Variants in EXOC4 observed in about 807,000 individuals in gnomAD.
EXOC4 encodes the protein exocyst complex component 4.
EXOC4 carries 71 observed loss-of-function variants against 107.2 expected under a neutral mutation model. That is an observed-to-expected ratio of 0.66 (90% CI 0.55 to 0.81). EXOC4 has a LOEUF of 0.81. EXOC4 is among the 30% of genes least tolerant of loss of function. The probability of loss-of-function intolerance (pLI) is 0.00; values close to 1 mark genes in which losing one functional copy is unlikely to be tolerated. For synonymous variants in EXOC4, 456 were observed against 441.2 expected, an observed-to-expected ratio of 1.03 and a Z score of -0.42; for missense variants, 1,108 against 1,189.6, an observed-to-expected ratio of 0.93 and a Z score of 1.01.
At chr7:133,849,449 G>A (rs956182173) in intron 11 of EXOC4, among the ~76,000 whole-genome samples, 1 of 152,050 alleles carries the variant, frequency 6.6e-6, no homozygotes, top group African/African-American at 2.4e-5. Context: ...AGAGCTTAAG[G>A]AGTAGTAAAA....
chr7:133,951,421 A>C (rs10272270), intron 14 of EXOC4, among the ~76,000 whole-genome samples: 1 of 152,092 alleles, frequency 6.6e-6, no homozygotes, highest in Non-Finnish European at 1.5e-5. Flanking sequence ...TGATCACGTG[A>C]TAAATAGTAG....
At chr7:133,775,914 C>T (rs565058548) in intron 10 of EXOC4, among the ~76,000 whole-genome samples, 20 of 152,186 alleles carry the variant, frequency 1.3e-4, no homozygotes, top group African/African-American at 4.3e-4. Flanking sequence ...AGATTAGGCT[C>T]GATGCTAGAA....
chr7:133,394,006 T>G (rs1384705035), intron 7 of EXOC4, among the ~76,000 whole-genome samples: 3 of 152,188 alleles, frequency 2.0e-5, no homozygotes, highest in African/African-American at 7.2e-5. Flanking sequence ...CATCCCTATA[T>G]GAAGAGTTTC....
chr7:133,651,450 T>G (rs1181151871), intron 10 of EXOC4, among the ~76,000 whole-genome samples: 1 of 152,178 alleles, frequency 6.6e-6, no homozygotes, highest in Non-Finnish European at 1.5e-5. Flanking sequence ...ACATCATGAT[T>G]CATTAGTATG....
intron 9 of EXOC4, among the ~76,000 whole-genome samples, chr7:133,528,218 A>G (rs1485045436): frequency 2.0e-5 from 3 of 152,210 alleles, no homozygotes; most frequent in Admixed American, 2.0e-4. Flanking sequence ...AAGCAGTTTC[A>G]CAGTTGAAAG....
At chr7:133,967,829 T>C (rs1801106435) in intron 14 of EXOC4, among the ~76,000 whole-genome samples, 1 of 152,218 alleles carries the variant, frequency 6.6e-6, no homozygotes, top group Admixed American at 6.5e-5. Context: ...GAGAGTTCTG[T>C]AGATGTCTAT....
intron 5 of EXOC4, among the ~76,000 whole-genome samples, 179 bp downstream of exon 5, chr7:133,317,569 G>A (rs1255960365): frequency 6.6e-6 from 1 of 152,166 alleles, no homozygotes; most frequent in Admixed American, 6.6e-5. Flanking sequence ...GATGTACAGT[G>A]ATTTATTGGG....
chr7:133,779,334 C>G (rs1027870924), intron 10 of EXOC4, among the ~76,000 whole-genome samples: 3 of 151,954 alleles, frequency 2.0e-5, no homozygotes, highest in Admixed American at 2.0e-4. Context: ...CTCAATACTA[C>G]TAACTCTTAT....
chr7:133,407,916 G>A (rs1412650715), intron 7 of EXOC4, among the ~76,000 whole-genome samples: 2 of 152,048 alleles, frequency 1.3e-5, no homozygotes, highest in African/African-American at 4.8e-5. Context: ...TTCACTTTTA[G>A]ATGATAAACC....
intron 10 of EXOC4, among the ~76,000 whole-genome samples, chr7:133,751,234 C>G (rs916944623): frequency 1.3e-5 from 2 of 152,138 alleles, no homozygotes; most frequent in Admixed American, 1.3e-4. Flanking sequence ...TTTGTAATTG[C>G]ACTAGTATTC....
intron 7 of EXOC4, among the ~76,000 whole-genome samples, chr7:133,439,137 A>G (rs1428966865): frequency 5.3e-5 from 8 of 150,364 alleles, no homozygotes; most frequent in Admixed American, 5.3e-4. Flanking sequence ...TCCATCTTCA[A>G]GATGTTATAG....
At chr7:133,518,153 A>G (rs1799914257) in intron 9 of EXOC4, among the ~76,000 whole-genome samples, 1 of 151,990 alleles carries the variant, frequency 6.6e-6, no homozygotes, top group South Asian at 2.1e-4. Flanking sequence ...GGCTTGCATC[A>G]TATTTGCTAG....
At chr7:133,396,976 T>C (rs1215737680) in intron 7 of EXOC4, among the ~76,000 whole-genome samples, 1 of 152,166 alleles carries the variant, frequency 6.6e-6, no homozygotes, top group Admixed American at 6.5e-5. Flanking sequence ...TTCATTGACT[T>C]GTACCTTTGC....
At chr7:133,828,683 G>T (rs1388312489) in intron 11 of EXOC4, among the ~76,000 whole-genome samples, 1 of 152,138 alleles carries the variant, frequency 6.6e-6, no homozygotes, top group Non-Finnish European at 1.5e-5. Flanking sequence ...ATCTCAGATG[G>T]GCTGGTGAAA....
chr7:133,672,274 C>T (rs953448532), intron 10 of EXOC4, among the ~76,000 whole-genome samples: 2 of 151,696 alleles, frequency 1.3e-5, no homozygotes, highest in African/African-American at 4.8e-5. Flanking sequence ...ACCTGTAGTC[C>T]CAGCTACTCG....
intron 7 of EXOC4, among the ~76,000 whole-genome samples, chr7:133,433,840 C>T (rs1484660918): frequency 6.6e-6 from 1 of 152,280 alleles, no homozygotes; most frequent in South Asian, 2.1e-4. Context: ...AAGAAGAGTG[C>T]TGGTTGACCC....
intron 10 of EXOC4, among the ~76,000 whole-genome samples, chr7:133,672,643 G>T (rs144221083): frequency 6.6e-6 from 1 of 152,180 alleles, no homozygotes; most frequent in South Asian, 2.1e-4. Flanking sequence ...CAGTGTAGAG[G>T]TTAGGAAAAT....
chr7:133,981,135 A>G (rs899407681), intron 14 of EXOC4, among the ~76,000 whole-genome samples: 25 of 152,346 alleles, frequency 1.6e-4, no homozygotes, highest in Admixed American at 1.2e-3. Flanking sequence ...TACTTCTAAC[A>G]TGCTTCAGAG....
At chr7:133,803,364 T>A (rs1001225227) in intron 10 of EXOC4, among the ~76,000 whole-genome samples, 5 of 152,248 alleles carry the variant, frequency 3.3e-5, no homozygotes, top group African/African-American at 1.2e-4. Flanking sequence ...TTTATTTTTT[T>A]AAATGTACAA....
Sources: gnomAD v4.1 joint callset for allele counts (sites outside exome capture counted in the v4.1 genomes callset) on GRCh38, gnomAD v4.1.1 for gene constraint, MANE v1.5 for transcripts, NCBI Gene and HGNC (gene_info 2026-07-23, HGNC 2026-07-21) for gene names.